The following ADGB variants were observed in gnomAD, a reference collection of about 807,000 sequenced individuals.
The protein encoded by ADGB is calpain-7-like protein.
A neutral mutation model predicts 210.5 loss-of-function variants in ADGB; 172 were observed. That is an observed-to-expected ratio of 0.82 (90% confidence interval 0.72 to 0.93). ADGB has a LOEUF of 0.93. Among genes scored for constraint, ADGB ranks in the 40% least tolerant of loss-of-function variants. The pLI, the probability that ADGB is intolerant of heterozygous loss-of-function variation, is 0.00. For missense variants in ADGB, 2,025 were observed against 1,964.8 expected (o/e 1.03, Z -0.58); for synonymous variants, 658 against 662.7 (o/e 0.99, Z 0.11).
rs892435790 is a variant in ADGB at position 146,736,578 on chromosome 6, G to T, written c.2875G>T (p.Val959Phe). Residue 959 changes from valine (V) to phenylalanine (F), a missense_variant, in exon 23 of 36, where the codon GTT becomes TTT. Val to Phe is a conservative substitution (Grantham distance 50). Transcript: ENST00000397944. The stretch of plus-strand genomic sequence containing the variant: ...GGAAATGAATTTAGAACAGTATGCA[G>T]TTTCTCTCTTAAGGTAAAGCAGTCA... ...VLEMNLEQYA[V>F]SLLRLMFKSK... 2 of 1,546,942 alleles carry T rather than the reference G, an allele frequency of 1.3e-6. No individual in the cohort carries two copies. The highest frequency in any genetic ancestry group is 1.7e-6 in the Non-Finnish European group (2 of 1,144,124).
intron 20 of ADGB, among the ~76,000 whole-genome samples, chr6:146,731,886 T>A (rs1776993312): frequency 6.6e-6 from 1 of 152,166 alleles, no homozygotes; most frequent in Admixed American, 6.6e-5. Context: ...GCACGGAGTC[T>A]GCAAATGGGT....
At chr6:146,664,049 A>G (rs1432304597) in intron 5 of ADGB, among the ~76,000 whole-genome samples, 152 bp from the exon 6 acceptor site, 3 of 152,260 alleles carry the variant, frequency 2.0e-5, no homozygotes, top group Admixed American at 6.6e-5. Flanking sequence ...CAACCAGAGT[A>G]GTATTGAAAT....
chr6:146,702,378 A>T (rs539771513), intron 13 of ADGB, among the ~76,000 whole-genome samples: 1 of 152,030 alleles, frequency 6.6e-6, no homozygotes, highest in East Asian at 1.9e-4. Context: ...GTATTGACAT[A>T]TTAACCCATA....
At chr6:146,624,023 G>A (rs1780937311) in intron 1 of ADGB, among the ~76,000 whole-genome samples, 1 of 151,742 alleles carries the variant, frequency 6.6e-6, no homozygotes. Context: ...GAGATATTGG[G>A]TTCCAGTTTT....
chr6:146,758,375 T>C (rs146039888), intron 27 of ADGB, among the ~76,000 whole-genome samples: 297 of 152,210 alleles, frequency 2.0e-3, no homozygotes, highest in Non-Finnish European at 3.3e-3. Flanking sequence ...TATGACCTCA[T>C]GCTTTTCTTT....
chr6:146,700,958 T>C lies in ADGB; in HGVS notation c.1595T>C (p.Leu532Ser). The change falls in exon 13 of 36, where the codon TTA becomes TCA. Residue 532 changes from leucine to serine, a missense_variant. By Grantham distance (145) the Leu-to-Ser change is moderately radical. Coordinates refer to ENST00000397944, the MANE Select transcript of ADGB (RefSeq NM_024694.4). ...CCTTTTAGGCATTTTGTGCGCTCCT[T>C]AATTAAGAAAGGAATACCTCCAGGA... ...IPTEMHFVRS[L>S]IKKGIPPGSD... is the part of the protein sequence containing the mutation. 1 of 1,550,790 alleles carries C rather than the reference T, an allele frequency of 6.4e-7. No homozygotes were observed. Among genetic ancestry groups the C allele is most frequent in the East Asian group, 2.4e-5 (1 of 40,854 alleles).
At chr6:146,665,069 C>T (rs1365213621) in intron 6 of ADGB, among the ~76,000 whole-genome samples, 1 of 152,056 alleles carries the variant, frequency 6.6e-6, no homozygotes, top group Non-Finnish European at 1.5e-5. Flanking sequence ...TGCTCACATA[C>T]ATTGCACAGG....
At chr6:146,771,517 G>T (rs921230463) in intron 29 of ADGB, among the ~76,000 whole-genome samples, 1 of 152,004 alleles carries the variant, frequency 6.6e-6, no homozygotes, top group Admixed American at 6.6e-5. Flanking sequence ...CTTCCCCTGT[G>T]GTTCAAAGCA....
chr6:146,756,194 G>C (rs1387413842), intron 27 of ADGB, among the ~76,000 whole-genome samples: 2 of 152,090 alleles, frequency 1.3e-5, no homozygotes, highest in Non-Finnish European at 2.9e-5. Flanking sequence ...ACTGCTCCTA[G>C]CTAGTGGGAT....
Position 146,706,125 on chromosome 6 carries a change from T to C in ADGB, c.1707+5055T>C, listed in dbSNP as rs1260816114. The stretch of plus-strand genomic sequence containing the variant: ...AAAAAAATTACAAATGGGGTCTTGC[T>C]ATGTTGCCTAGGCTAGTCTCAAACT... On this transcript the variant is annotated intron_variant, in intron 13 of 35. Transcript: ENST00000397944. Among the ~76,000 whole-genome samples, 14 of 152,192 alleles carry C rather than the reference T, an allele frequency of 9.2e-5. No homozygotes were observed. In the South Asian group the frequency reaches 1.5e-3, roughly 16 times the overall value.
intron 16 of ADGB, among the ~76,000 whole-genome samples, chr6:146,720,050 A>C (rs1776791435): frequency 6.6e-6 from 1 of 150,480 alleles, no homozygotes; most frequent in South Asian, 2.1e-4. Context: ...TGTTTTTCAT[A>C]TATTAACTTT....
chr6:146,788,981 T>C (rs558095831), intron 33 of ADGB, among the ~76,000 whole-genome samples: 2 of 152,344 alleles, frequency 1.3e-5, no homozygotes, highest in African/African-American at 4.8e-5. Context: ...CCTTTTTACC[T>C]TTCATAGCAA....
intron 1 of ADGB, among the ~76,000 whole-genome samples, chr6:146,608,113 T>A (rs372390897): frequency 2.6e-5 from 4 of 152,294 alleles, no homozygotes; most frequent in East Asian, 1.9e-4. Flanking sequence ...AGTTTCTTCC[T>A]GGTTCAAACT....
At chr6:146,617,173 A>C (rs1780815133) in intron 1 of ADGB, among the ~76,000 whole-genome samples, 1 of 151,584 alleles carries the variant, frequency 6.6e-6, no homozygotes, top group Non-Finnish European at 1.5e-5. Context: ...CTTTTGTTGC[A>C]TTTATTTATA....
chr6:146,676,240 A>G (rs1776081262), intron 8 of ADGB, 73 bp from the exon 9 acceptor site: 17 of 1,343,502 alleles, frequency 1.3e-5, no homozygotes, highest in Non-Finnish European at 1.5e-5. Flanking sequence ...TTTCTTTAAG[A>G]CAATGACTGA....
At position 146,747,771 on chromosome 6, in the gene ADGB, A is replaced by ATG. The variant is rs1044848370; in HGVS notation, c.3365+1663_3365+1664insGT. Among the ~76,000 whole-genome samples, 7 of 137,162 alleles carry ATG rather than the reference A, an allele frequency of 5.1e-5. No individual in the cohort carries two copies. In the Admixed American group the frequency reaches 5.2e-4, roughly 10 times the overall value. The allele number at this position is 137,162 out of a possible 152,430, so 90.0% of individuals were successfully genotyped here. On this transcript the variant is annotated intron_variant, in intron 26 of 35. Coordinates refer to ENST00000397944, the MANE Select transcript of ADGB (RefSeq NM_024694.4). The stretch of plus-strand genomic sequence containing the variant: ...TATATATGCATGTGTATATACATAT[A>ATG]TATATATATGTATTTTTTTTTTTTT...
rs142754347 is a variant in ADGB at position 146,768,314 on chromosome 6, C to T, written c.3751-706C>T. Among the ~76,000 whole-genome samples, 6 of 152,120 alleles carry T rather than the reference C, an allele frequency of 3.9e-5. No homozygotes were observed. The East Asian group carries it at 1.2e-3, about 29-fold the overall frequency. On this transcript the variant is annotated intron_variant, in intron 28 of 35. Coordinates refer to ENST00000397944, the MANE Select transcript of ADGB (RefSeq NM_024694.4). ...CTAACGGAACTTGGGGAAAAAAGAG[C>T]AAAGTGTGTCTTAGTATTTCCAAAG...
intron 3 of ADGB, among the ~76,000 whole-genome samples, chr6:146,648,327 C>T (rs185011947): frequency 3.9e-4 from 60 of 152,192 alleles, no homozygotes; most frequent in Admixed American, 7.9e-4. Context: ...GCTAGGATTA[C>T]AAACATTAGC....
In ADGB at chr6:146,801,432, TTTAA is replaced by T. The variant is rs557267544; in HGVS notation, c.4634+157_4634+160del. On this transcript the variant is annotated intron_variant, in intron 34 of 35. Transcript: ENST00000397944. ...ATTTCTATCACACCTGCTACCATTA[TTTAA>T]TTAGATTCAATTTTTAATAACTAGA... 2.4e-3 allele frequency among the ~76,000 whole-genome samples: 370 copies of T among 152,298 alleles called. 2 individuals are homozygous for T. Among genetic ancestry groups the T allele is most frequent in the African/African-American group, 7.5e-3 (311 of 41,584 alleles).
Sources: gnomAD v4.1 joint callset for allele counts (sites outside exome capture counted in the v4.1 genomes callset) on GRCh38, gnomAD v4.1.1 for gene constraint, MANE v1.5 for transcripts, NCBI Gene and HGNC (gene_info 2026-07-23, HGNC 2026-07-21) for gene names.